Variants in BMS1 observed in about 807,000 individuals in gnomAD.
BMS1 encodes the protein BMS1 ribosome biogenesis factor.
BMS1 carries 53 observed loss-of-function variants against 138.7 expected under a neutral mutation model. The ratio of observed to expected loss-of-function variants is 0.38; its 90% confidence interval spans 0.31 to 0.48. The LOEUF is 0.48. Among genes scored for constraint, BMS1 ranks in the 20% least tolerant of loss-of-function variants. The probability of loss-of-function intolerance (pLI) is 0.97; values close to 1 mark genes in which losing one functional copy is unlikely to be tolerated. For synonymous variants in BMS1, 504 were observed against 539.9 expected (o/e 0.93, Z 0.92); for missense variants, 1,360 against 1,565.5 (o/e 0.87, Z 2.22).
At chr10:42,829,383 A>AT (rs1842740813) in intron 21 of BMS1, among the ~76,000 whole-genome samples, 3 of 152,118 alleles carry the variant, frequency 2.0e-5, no homozygotes, top group African/African-American at 7.2e-5. Context: ...AGTGCAGAGT[A>AT]TTTTGCCTTC....
chr10:42,789,964 A>G (rs1322286363), intron 4 of BMS1, among the ~76,000 whole-genome samples: 1 of 152,190 alleles, frequency 6.6e-6, no homozygotes, highest in African/African-American at 2.4e-5. Context: ...TTTATATCCT[A>G]GTGGACATTG....
Position 42,796,678 on chromosome 10 carries a change from G to A in BMS1, c.1434G>A (p.Met478Ile), listed in dbSNP as rs1360643597. ...EENAEMTDQYMAVKGIKRRKL... is the reference protein window; with the variant it reads ...EENAEMTDQYIAVKGIKRRKL... ...ATGCTGAGATGACTGATCAGTATAT[G>A]GCTGTTAAGGGCATCAAACGACGGA... is the stretch of plus-strand genomic sequence containing the variant. The change falls in exon 10 of 23, where the codon ATG becomes ATA. Residue 478 changes from methionine (M) to isoleucine (I), a missense_variant. Coordinates refer to ENST00000374518, the MANE Select transcript of BMS1 (RefSeq NM_014753.4). 6 of 1,614,036 alleles carry A rather than the reference G, an allele frequency of 3.7e-6. No homozygotes were observed. In the South Asian group the frequency reaches 5.5e-5, roughly 15 times the overall value.
At chr10:42,813,508 T>A (rs1842248695) in intron 13 of BMS1, among the ~76,000 whole-genome samples, 1 of 152,192 alleles carries the variant, frequency 6.6e-6, no homozygotes, top group African/African-American at 2.4e-5. Context: ...GAAACCTGCC[T>A]TGCATTTATG....
At chr10:42,797,291 G>C in intron 10 of BMS1, 60 bp downstream of exon 10, 1 of 1,577,642 alleles carries the variant, frequency 6.3e-7, no homozygotes, top group Non-Finnish European at 8.6e-7. Context: ...GTAACCAAAG[G>C]AATGTCTACA....
intron 12 of BMS1, among the ~76,000 whole-genome samples, chr10:42,799,243 G>A (rs960596571): frequency 2.0e-5 from 3 of 152,120 alleles, no homozygotes; most frequent in African/African-American, 7.2e-5. Flanking sequence ...CAGAGTAGCT[G>A]GGACTATAGG....
intron 13 of BMS1, among the ~76,000 whole-genome samples, chr10:42,803,630 T>C (rs1259425622): frequency 6.6e-6 from 1 of 152,178 alleles, no homozygotes; most frequent in Non-Finnish European, 1.5e-5. Flanking sequence ...GCTGGGGGGC[T>C]TCTTTTAGGA....
intron 13 of BMS1, among the ~76,000 whole-genome samples, chr10:42,804,599 A>G (rs1363924920): frequency 1.3e-5 from 2 of 152,104 alleles, no homozygotes; most frequent in African/African-American, 4.8e-5. Context: ...TGTATTTTTG[A>G]TACAAATTCT....
rs1345674527 is a variant in BMS1 at position 42,785,594 on chromosome 10, A to T, written c.289A>T (p.Thr97Ser). 6.2e-7 allele frequency: 1 copy of T among 1,613,838 alleles called. No homozygotes were observed. The highest frequency in any genetic ancestry group is 1.7e-5 in the Admixed American group (1 of 60,000). The change falls in exon 3 of 23, where the codon ACT becomes TCT. Residue 97 changes from threonine to serine, a missense_variant. By Grantham distance (58) the Thr-to-Ser change is moderately conservative (BLOSUM62 1). Transcript: ENST00000374518. ...GGGACCTCCAAAAGTTGGAAAGAGC[A>T]CTTTGATACAATGCCTCATTCGGAA... Reference protein sequence around the residue: ...VMGPPKVGKSTLIQCLIRNFT... With the variant: ...VMGPPKVGKSSLIQCLIRNFT...
At chr10:42,794,087 C>G (rs930001048) in intron 9 of BMS1, 96 bp downstream of exon 9, 1 of 1,386,084 alleles carries the variant, frequency 7.2e-7, no homozygotes, top group Non-Finnish European at 9.9e-7. Flanking sequence ...CGGTGGGATT[C>G]ATTCTATGTT....
At chr10:42,828,587 G>A (rs1320369665) in intron 21 of BMS1, among the ~76,000 whole-genome samples, 6 of 151,964 alleles carry the variant, frequency 3.9e-5, no homozygotes, top group Non-Finnish European at 8.8e-5. Context: ...GCTGTTCCAC[G>A]TGCTTGCTGA....
chr10:42,791,125 G>GT (rs1233512321), intron 5 of BMS1, among the ~76,000 whole-genome samples: 2 of 152,150 alleles, frequency 1.3e-5, no homozygotes, highest in African/African-American at 2.4e-5. Context: ...TATGTGTTCA[G>GT]TCTTTGGCCT....
intron 21 of BMS1, 117 bp downstream of exon 21, chr10:42,823,901 G>A (rs12241247): frequency 0.32 from 290,650 of 910,488 alleles, 49,463 homozygotes; most frequent in East Asian, 0.58. Context: ...AAAGTCTAAC[G>A]TTAAATTTGA....
In BMS1 at chr10:42,793,978, A is replaced by G. The variant is rs769186248; in HGVS notation, c.1216A>G (p.Ile406Val). ...SDSKPLGSEDIDNQGLMMPKE... is the reference protein window; with the variant it reads ...SDSKPLGSEDVDNQGLMMPKE... ...TTCCAAGCCACTTGGGTCAGAGGAT[A>G]TAGATAATCAAGGGTAAGTCTGCTT... Residue 406 changes from isoleucine to valine, a missense_variant, in exon 9 of 23, where the codon ATA becomes GTA. Physicochemically the swap from Ile to Val is conservative, Grantham distance 29 (BLOSUM62 3). This residue lies in a region of BMS1 where 697 missense variants were observed against 686.2 expected (regional missense o/e 1.02). Coordinates refer to ENST00000374518, the MANE Select transcript of BMS1 (RefSeq NM_014753.4). 4 of 1,611,672 alleles carry G rather than the reference A, an allele frequency of 2.5e-6. No individual in the cohort carries two copies. In the African/African-American group the frequency reaches 4.0e-5, roughly 16 times the overall value.
intron 13 of BMS1, 91 bp downstream of exon 13, chr10:42,802,309 A>C (rs1042450685): frequency 2.7e-6 from 3 of 1,120,154 alleles, no homozygotes; most frequent in Non-Finnish European, 3.8e-6. Flanking sequence ...TGAAAATAAT[A>C]GTCACTTGTC....
At chr10:42,827,662 G>T (rs1564433780) in intron 21 of BMS1, among the ~76,000 whole-genome samples, 2 of 152,166 alleles carry the variant, frequency 1.3e-5, no homozygotes, top group Admixed American at 1.3e-4. Flanking sequence ...TGGGGGATGG[G>T]TGGTGGGGGG....
chr10:42,829,690 T>C (rs1347796523), intron 21 of BMS1, among the ~76,000 whole-genome samples: 1 of 151,646 alleles, frequency 6.6e-6, no homozygotes, highest in East Asian at 2.0e-4. Flanking sequence ...GGCGTGGTGG[T>C]GTGTGCCTGT....
intron 18 of BMS1, among the ~76,000 whole-genome samples, chr10:42,821,406 G>C (rs1842499872): frequency 6.6e-6 from 1 of 152,096 alleles, no homozygotes; most frequent in Admixed American, 6.5e-5. Context: ...TGAGCAGATG[G>C]AATCTGCCCT....
At position 42,791,786 on chromosome 10, in the gene BMS1, A is replaced by G; in HGVS notation, c.779+17A>G. 14 of 1,592,356 alleles carry G rather than the reference A, an allele frequency of 8.8e-6. No individual in the cohort carries two copies. The highest frequency in any genetic ancestry group is 1.2e-5 in the Non-Finnish European group (14 of 1,174,090). ...GGCAGACAGGTAAAATATGATTTTA[A>G]GCTTTTTCTTCCTGGGCCATATATT... On this transcript the variant is annotated intron_variant, in intron 6 of 22. Coordinates refer to ENST00000374518, the MANE Select transcript of BMS1 (RefSeq NM_014753.4).
At chr10:42,784,326 T>C in intron 1 of BMS1, 36 bp from the exon 2 acceptor site, 1 of 1,405,654 alleles carries the variant, frequency 7.1e-7, no homozygotes, top group East Asian at 2.3e-5. Context: ...GTAAAATGCT[T>C]CTCCCATCTC....
Sources: gnomAD v4.1 joint callset for allele counts (sites outside exome capture counted in the v4.1 genomes callset) on GRCh38, gnomAD v4.1.1 for gene constraint, gnomAD v4.1.1 regional missense constraint, MANE v1.5 for transcripts, NCBI Gene and HGNC (gene_info 2026-07-23, HGNC 2026-07-21) for gene names.